Variants in SLC25A19 observed in about 807,000 individuals in gnomAD.
SLC25A19 encodes the protein solute carrier family 25 member 19, also known as mitochondrial thiamine pyrophosphate carrier.
A neutral mutation model predicts 27.9 loss-of-function variants in SLC25A19; 18 were observed. The observed-to-expected ratio is 0.64, with a 90% CI of 0.45 to 0.96. SLC25A19 has a LOEUF of 0.96. Among genes scored for constraint, SLC25A19 ranks in the 40% least tolerant of loss-of-function variants. SLC25A19 has a pLI of 0.00. For synonymous variants in SLC25A19, 169 were observed against 167.1 expected (o/e 1.01, Z -0.09); for missense variants, 371 against 418.3 (o/e 0.89, Z 0.99).
At chr17:75,280,025 C>T (rs62089323) in intron 5 of SLC25A19, among the ~76,000 whole-genome samples, 1 of 152,080 alleles carries the variant, frequency 6.6e-6, no homozygotes, top group African/African-American at 2.4e-5. Context: ...AATTATCCTT[C>T]CTTTCCCACT....
chr17:75,286,468 CAAAAT>C lies in SLC25A19; in HGVS notation c.133-14_133-10del. 6.2e-7 allele frequency: 1 copy of C among 1,613,216 alleles called. No homozygotes were observed. Among genetic ancestry groups the C allele is most frequent in the Non-Finnish European group, 8.5e-7 (1 of 1,179,642 alleles). Reference sequence around the variant, plus strand: ...AGGCGCTCATGCTGAAGCTAGGAATCAAAATAAAAAAGGTCAGGACAGTGGGGTGG... The same window carrying C: ...AGGCGCTCATGCTGAAGCTAGGAATCAAAAAAGGTCAGGACAGTGGGGTGG... On this transcript the variant is annotated splice_polypyrimidine_tract_variant and intron_variant, in intron 3 of 7. Transcript: ENST00000416858.
At chr17:75,273,693 C>G in intron 7 of SLC25A19, 54 bp from the exon 8 acceptor site, 1 of 1,493,328 alleles carries the variant, frequency 6.7e-7, no homozygotes, top group Non-Finnish European at 9.3e-7. Context: ...CCCATCAACA[C>G]AGCCCCTGGC....
chr17:75,279,117 C>T (rs947207978), intron 5 of SLC25A19, among the ~76,000 whole-genome samples: 1 of 151,448 alleles, frequency 6.6e-6, no homozygotes, highest in Non-Finnish European at 1.5e-5. Flanking sequence ...CTTGGCCTCC[C>T]AAAGTGCTGG....
chr17:75,279,696 A>AT (rs2077987697), intron 5 of SLC25A19, among the ~76,000 whole-genome samples: 1 of 151,798 alleles, frequency 6.6e-6, no homozygotes, highest in Non-Finnish European at 1.5e-5. Context: ...TTTAGTAGAG[A>AT]CGGGGTTTCA....
Position 75,283,533 on chromosome 17 carries a change from C to T in SLC25A19, c.349G>A (p.Glu117Lys). Residue 117 changes from glutamate to lysine, a missense_variant, in exon 5 of 8, where the codon GAA becomes AAA. Coordinates refer to ENST00000416858, the MANE Select transcript of SLC25A19 (RefSeq NM_001126121.2). ...VHRGSVYDAREFSVHFVCGGL... is the reference protein window; with the variant it reads ...VHRGSVYDARKFSVHFVCGGL... Reference sequence around the variant, plus strand: ...CCACATACAAAGTGCACTGAGAATTCCCGGGCGTCATACACGCTGCCTCTG... The same window carrying T: ...CCACATACAAAGTGCACTGAGAATTTCCGGGCGTCATACACGCTGCCTCTG... The T allele has an allele frequency of 1.2e-6, 2 of 1,613,706 alleles. No individual in the cohort carries two copies. The highest frequency in any genetic ancestry group is 2.2e-5 in the East Asian group (1 of 44,872).
rs550520805 is a variant in SLC25A19 at position 75,281,709 on chromosome 17, CCAAA to C, written c.459+1710_459+1713del. On this transcript the variant is annotated intron_variant, in intron 5 of 7. Transcript: ENST00000416858. ...GAGACTGTCTCAAAAAACCAACCAACCAAACAAACAAAAAAACAAAGACGCTCTC... is the reference window on the plus strand; with the variant it reads ...GAGACTGTCTCAAAAAACCAACCAACCAAACAAAAAAACAAAGACGCTCTC... 2.5e-3 allele frequency among the ~76,000 whole-genome samples: 384 copies of C among 152,194 alleles called. 2 individuals carry two copies. Among genetic ancestry groups the C allele is most frequent in the African/African-American group, 8.4e-3 (349 of 41,524 alleles).
chr17:75,283,680 G>C (rs572170537), intron 4 of SLC25A19, 87 bp from the exon 5 acceptor site: 1 of 1,376,232 alleles, frequency 7.3e-7, no homozygotes, highest in South Asian at 1.2e-5. Context: ...CCGTGACCCG[G>C]CTGGGGCCCA....
At chr17:75,284,634 T>A (rs899320) in intron 4 of SLC25A19, among the ~76,000 whole-genome samples, 71,203 of 94,914 alleles carry the variant, frequency 0.75, 24,741 homozygotes, top group East Asian at 0.84. Flanking sequence ...CAGATCTTTC[T>A]TTTTTTTTTT....
At chr17:75,286,964 G>T (rs1481554502) in intron 2 of SLC25A19, 162 bp from the exon 3 acceptor site, 2 of 641,850 alleles carry the variant, frequency 3.1e-6, no homozygotes, top group Non-Finnish European at 5.3e-6. Flanking sequence ...ACTTTCGGAG[G>T]CCGAGGTGGG....
At chr17:75,283,301 AAACAAAACAAAACAG>A in intron 5 of SLC25A19, 107 bp downstream of exon 5, 2 of 1,151,822 alleles carry the variant, frequency 1.7e-6, no homozygotes, top group South Asian at 1.8e-5. Flanking sequence ...ATTCTGTCTC[AAACAAAACAAAACAG>A]AACAAAACAA....
At chr17:75,281,105 T>C (rs1029912371) in intron 5 of SLC25A19, among the ~76,000 whole-genome samples, 14 of 151,968 alleles carry the variant, frequency 9.2e-5, no homozygotes, top group African/African-American at 2.9e-4. Context: ...GGCAGGAAGA[T>C]TGCTTGAGCC....
intron 3 of SLC25A19, 56 bp from the exon 4 acceptor site, chr17:75,286,515 G>A (rs1274978443): frequency 6.2e-7 from 1 of 1,612,946 alleles, no homozygotes; most frequent in East Asian, 2.2e-5. Flanking sequence ...ATGTGAAGGG[G>A]AACTTTCAGA....
chr17:75,276,167 T>C (rs955948052), intron 7 of SLC25A19, among the ~76,000 whole-genome samples: 1 of 151,778 alleles, frequency 6.6e-6, no homozygotes, highest in African/African-American at 2.4e-5. Flanking sequence ...CCCAGCTACT[T>C]GGGAGGCTGA....
At chr17:75,277,891 G>T (rs958546635) in intron 6 of SLC25A19, among the ~76,000 whole-genome samples, 2 of 146,950 alleles carry the variant, frequency 1.4e-5, no homozygotes, top group African/African-American at 5.0e-5. Flanking sequence ...TTTGCAATTT[G>T]GACTTCTGAC....
At chr17:75,280,314 T>C (rs971173782) in intron 5 of SLC25A19, among the ~76,000 whole-genome samples, 10 of 151,204 alleles carry the variant, frequency 6.6e-5, no homozygotes, top group African/African-American at 2.4e-4. Flanking sequence ...GAGGCTGCAG[T>C]GAGCTGTAAT....
Position 75,286,432 on chromosome 17 carries a change from C to T in SLC25A19, c.160G>A (p.Asp54Asn). Residue 54 changes from aspartate to asparagine, a missense_variant, in exon 4 of 8, where the codon GAC (aspartate) becomes AAC (asparagine). Coordinates refer to ENST00000416858, the MANE Select transcript of SLC25A19 (RefSeq NM_001126121.2). Reference protein sequence around the residue: ...QLQHERLSRSDPSAKYHGILQ... With the variant: ...QLQHERLSRSNPSAKYHGILQ... ...ATGCCATGGTACTTTGCGCTGGGGT[C>T]ACTGCGAGACAGGCGCTCATGCTGA... 1 of 1,614,078 alleles carries T rather than the reference C, an allele frequency of 6.2e-7. No individual in the cohort carries two copies. The highest frequency in any genetic ancestry group is 1.3e-5 in the African/African-American group (1 of 75,002).
intron 2 of SLC25A19, chr17:75,287,045 A>G: frequency 2.5e-6 from 1 of 394,476 alleles, no homozygotes; most frequent in Non-Finnish European, 4.8e-6. Context: ...TACAAAAAAT[A>G]CAAAAATTTA....
intron 5 of SLC25A19, among the ~76,000 whole-genome samples, chr17:75,278,800 T>C (rs2077963040): frequency 6.6e-6 from 1 of 151,818 alleles, no homozygotes; most frequent in Non-Finnish European, 1.5e-5. Context: ...CTGGCCAACA[T>C]GGCGAAAGCC....
intron 7 of SLC25A19, among the ~76,000 whole-genome samples, chr17:75,276,257 A>C (rs1311262681): frequency 3.3e-5 from 5 of 152,246 alleles, no homozygotes; most frequent in Admixed American, 3.3e-4. Context: ...GCTGGGCAAC[A>C]AGAGCAAAAC....
Sources: gnomAD v4.1 joint callset for allele counts (sites outside exome capture counted in the v4.1 genomes callset) on GRCh38, gnomAD v4.1.1 for gene constraint, MANE v1.5 for transcripts, NCBI Gene and HGNC (gene_info 2026-07-23, HGNC 2026-07-21) for gene names.